The following REDIC1 variants were observed in gnomAD, a reference collection of about 807,000 sequenced individuals.
REDIC1 encodes the protein regulator of DNA class I crossover intermediates 1.
chr12:39,876,995 G>A, the REDIC1 span, among the ~76,000 whole-genome samples: 1 of 152,048 alleles, frequency 6.6e-6, no homozygotes, highest in Non-Finnish European at 1.5e-5. Flanking sequence ...AGTTCCTAGT[G>A]CTATAAATAT....
chr12:39,673,190 C>T, the REDIC1 span, among the ~76,000 whole-genome samples: 1 of 152,124 alleles, frequency 6.6e-6, no homozygotes, highest in Non-Finnish European at 1.5e-5. Context: ...TGTTGAATTC[C>T]AGTGTGTTCT....
the REDIC1 span, among the ~76,000 whole-genome samples, chr12:39,798,544 C>A: frequency 6.6e-6 from 1 of 152,182 alleles, no homozygotes; most frequent in Non-Finnish European, 1.5e-5. Context: ...ATACTTATTA[C>A]GCATAAGAGC....
At chr12:39,661,086 T>C in the REDIC1 span, among the ~76,000 whole-genome samples, 1 of 152,186 alleles carries the variant, frequency 6.6e-6, no homozygotes, top group Admixed American at 6.6e-5. Flanking sequence ...TTCCATATCT[T>C]TGCTATTGTG....
chr12:39,701,081 T>C, the REDIC1 span, among the ~76,000 whole-genome samples: 1 of 134,646 alleles, frequency 7.4e-6, no homozygotes, highest in African/African-American at 2.6e-5. Flanking sequence ...AATTCACACA[T>C]AACAATATTA....
chr12:39,907,068 A>C, the REDIC1 span, among the ~76,000 whole-genome samples: 1 of 152,262 alleles, frequency 6.6e-6, no homozygotes, highest in Non-Finnish European at 1.5e-5. Context: ...ATATAAGTAG[A>C]AGTTTGACTG....
the REDIC1 span, among the ~76,000 whole-genome samples, chr12:39,691,241 A>G: frequency 1.3e-5 from 2 of 152,202 alleles, no homozygotes; most frequent in African/African-American, 4.8e-5. Context: ...GGAGGCCGGG[A>G]AATACAGTCT....
At chr12:39,672,656 T>C in the REDIC1 span, among the ~76,000 whole-genome samples, 3 of 152,090 alleles carry the variant, frequency 2.0e-5, no homozygotes, top group African/African-American at 7.2e-5. Flanking sequence ...GCAGTCTTCC[T>C]GGTGTGCTAC....
chr12:39,711,452 T>TAC, the REDIC1 span, among the ~76,000 whole-genome samples: 111,577 of 141,116 alleles, frequency 0.79, 44,860 homozygotes, highest in Non-Finnish European at 0.86. Context: ...TGTACATATA[T>TAC]ACACATATAC....
At chr12:39,709,231 T>C in the REDIC1 span, among the ~76,000 whole-genome samples, 1 of 151,586 alleles carries the variant, frequency 6.6e-6, no homozygotes, top group Non-Finnish European at 1.5e-5. Context: ...TATGTGTTTT[T>C]TTTTTTTTTA....
At chr12:39,897,951 A>C in the REDIC1 span, among the ~76,000 whole-genome samples, 1 of 152,112 alleles carries the variant, frequency 6.6e-6, no homozygotes, top group African/African-American at 2.4e-5. Context: ...ACAATAATAC[A>C]TGTAAGTTTA....
At chr12:39,696,444 GAGGC>G in the REDIC1 span, among the ~76,000 whole-genome samples, 1 of 146,520 alleles carries the variant, frequency 6.8e-6, no homozygotes, top group African/African-American at 2.5e-5. Flanking sequence ...TTGGGAGACT[GAGGC>G]AGGAGAATGG....
At chr12:39,659,203 A>G in the REDIC1 span, among the ~76,000 whole-genome samples, 2 of 151,870 alleles carry the variant, frequency 1.3e-5, no homozygotes, top group African/African-American at 4.8e-5. Context: ...TATATATAAT[A>G]TAGTTTTTAT....
At chr12:39,822,334 CA>C in the REDIC1 span, among the ~76,000 whole-genome samples, 1 of 152,230 alleles carries the variant, frequency 6.6e-6, no homozygotes, top group East Asian at 1.9e-4. Flanking sequence ...CCAGGTATCA[CA>C]TAAAGCCATT....
chr12:39,724,489 T>A, the REDIC1 span, among the ~76,000 whole-genome samples: 2 of 152,070 alleles, frequency 1.3e-5, no homozygotes, highest in Non-Finnish European at 2.9e-5. Context: ...TCTTCTCCCA[T>A]CTGTCTCACT....
the REDIC1 span, among the ~76,000 whole-genome samples, chr12:39,727,638 TTCTAATTCTGTGAAGAAAG>T: frequency 4.2e-3 from 617 of 148,272 alleles, 3 homozygotes; most frequent in African/African-American, 0.013. Flanking sequence ...ATTTAGCTTT[TTCTAATTCTGTGAAGAAAG>T]TCTAATTCTG....
chr12:39,857,136 C>T, the REDIC1 span, among the ~76,000 whole-genome samples: 2 of 152,136 alleles, frequency 1.3e-5, no homozygotes, highest in Non-Finnish European at 2.9e-5. Context: ...ATGTTTTTCC[C>T]CCTTTATCTT....
chr12:39,831,239 C>G, the REDIC1 span, among the ~76,000 whole-genome samples: 1 of 152,044 alleles, frequency 6.6e-6, no homozygotes, highest in Non-Finnish European at 1.5e-5. Context: ...GAACAGGGGC[C>G]CATTCATTTT....
the REDIC1 span, among the ~76,000 whole-genome samples, chr12:39,637,600 A>G: frequency 6.6e-6 from 1 of 152,080 alleles, no homozygotes; most frequent in African/African-American, 2.4e-5. Flanking sequence ...TTTTAAAGCA[A>G]TTACTTATGT....
chr12:39,652,298 T>C, the REDIC1 span, among the ~76,000 whole-genome samples: 1 of 152,150 alleles, frequency 6.6e-6, no homozygotes, highest in Admixed American at 6.5e-5. Flanking sequence ...TATGTTTAAG[T>C]TTAAAAAAAC....
Sources: gnomAD v4.1 joint callset for allele counts (sites outside exome capture counted in the v4.1 genomes callset) on GRCh38, gnomAD v4.1.1 for gene constraint, MANE v1.5 for transcripts, NCBI Gene and HGNC (gene_info 2026-07-23, HGNC 2026-07-21) for gene names.